PPP1R37: variants seen among roughly 807,000 people sequenced by gnomAD.
PPP1R37 encodes leucine rich repeat containing 68.
Under a neutral mutation model 61.0 loss-of-function variants are expected in PPP1R37, and 21 were observed. That is an observed-to-expected ratio of 0.34 (90% confidence interval 0.24 to 0.50). The LOEUF (loss-of-function observed/expected upper bound fraction) is 0.50, where lower values mean the gene tolerates loss of function less well. Among genes scored for constraint, PPP1R37 ranks in the 20% least tolerant of loss-of-function variants. PPP1R37 has a pLI of 0.98. For missense variants in PPP1R37, 910 were observed against 952.7 expected (o/e 0.96, Z 0.59); for synonymous variants, 443 against 433.5 (o/e 1.02, Z -0.27).
In PPP1R37 at chr19:45,125,860, C is replaced by T. The variant is rs538890199; in HGVS notation, c.203-12654C>T. Among the ~76,000 whole-genome samples the T allele has an allele frequency of 1.6e-3, 239 of 152,334 alleles. 2 individuals are homozygous for T. Among genetic ancestry groups the T allele is most frequent in the Admixed American group, 3.3e-3 (50 of 15,306 alleles). On this transcript the variant is annotated intron_variant, in intron 1 of 12. Transcript: ENST00000221462. The stretch of plus-strand genomic sequence containing the variant: ...AGAAGTGGGCCATTCTGGCCTCAGA[C>T]CTCTTCGTCCTTTCCCAGACCCCAC...
chr19:45,105,695 C>G (rs992071908), intron 1 of PPP1R37, among the ~76,000 whole-genome samples: 1 of 152,144 alleles, frequency 6.6e-6, no homozygotes, highest in Admixed American at 6.5e-5. Context: ...ATTCCCGGCC[C>G]GGTTCTGCCT....
intron 1 of PPP1R37, among the ~76,000 whole-genome samples, chr19:45,124,964 C>A (rs949952209): frequency 2.6e-5 from 4 of 151,754 alleles, no homozygotes; most frequent in Non-Finnish European, 5.9e-5. Context: ...GATGGGGACC[C>A]CCCAAAAAAT....
At chr19:45,101,207 C>T (rs981450550) in intron 1 of PPP1R37, among the ~76,000 whole-genome samples, 8 of 152,096 alleles carry the variant, frequency 5.3e-5, no homozygotes, top group Non-Finnish European at 1.0e-4. Flanking sequence ...AGGACGTCAC[C>T]AAGGAAATCC....
chr19:45,121,817 A>G lies in PPP1R37; in HGVS notation c.203-16697A>G, dbSNP rs1968345820. Among the ~76,000 whole-genome samples the G allele has an allele frequency of 1.3e-5, 2 of 151,852 alleles. No individual in the cohort carries two copies. The highest frequency in any genetic ancestry group is 2.9e-5 in the Non-Finnish European group (2 of 67,962). The stretch of plus-strand genomic sequence containing the variant: ...CCCTGGGGCCCCTTTCAGTAAAGAT[A>G]CTCCCCTGAGAAATACCTGCCCTTG... On this transcript the variant is annotated intron_variant, in intron 1 of 12. Coordinates refer to ENST00000221462, the MANE Select transcript of PPP1R37 (RefSeq NM_019121.2). The surrounding 1 kb of genome is among the most constrained non-coding windows in gnomAD (Gnocchi z 4.2).
In PPP1R37 at chr19:45,143,573, C is replaced by T; in HGVS notation, c.927C>T (p.Thr309=). Residue 309 remains threonine, a synonymous_variant, in exon 8 of 13, where the codon ACC becomes ACT. Coordinates refer to ENST00000221462, the MANE Select transcript of PPP1R37 (RefSeq NM_019121.2). ...GLKEQRKGLV[T]LVLWNNQLTH... ...AGGAGCAGAGGAAGGGGCTGGTGACCCTGGTGCTGTGGAACAACCAGCTCA... is the reference window on the plus strand; with the variant it reads ...AGGAGCAGAGGAAGGGGCTGGTGACTCTGGTGCTGTGGAACAACCAGCTCA... 1 of 1,535,928 alleles carries T rather than the reference C, an allele frequency of 6.5e-7. No individual in the cohort carries two copies. The highest frequency in any genetic ancestry group is 8.7e-7 in the Non-Finnish European group (1 of 1,146,744).
rs987659744 is a variant in PPP1R37, at chr19:45,145,052, C to T, written c.1130-42C>T. On this transcript the variant is annotated intron_variant, in intron 9 of 12. Transcript: ENST00000221462. ...TGGTGGGCTCAGCCGGGCGGCCAGC[C>T]GGGTGTGGGGCCCGTGGCCAGCCCC... 2.6e-6 allele frequency: 4 copies of T among 1,521,376 alleles called. No individual in the cohort carries two copies. In the African/African-American group the frequency reaches 5.6e-5, roughly 21 times the overall value. The allele number at this position is 1,521,376 out of a possible 1,614,324, so 94.2% of individuals were successfully genotyped here. A position where few individuals can be genotyped will look rare whatever the true frequency, so the allele number is the denominator to read the frequency against.
chr19:45,133,760 A>G (rs569342273), intron 1 of PPP1R37, among the ~76,000 whole-genome samples: 1 of 152,272 alleles, frequency 6.6e-6, no homozygotes, highest in East Asian at 1.9e-4. Context: ...CTGCTGCCTT[A>G]AAGGAGACAC....
intron 1 of PPP1R37, among the ~76,000 whole-genome samples, chr19:45,117,537 G>A (rs1244714490): frequency 2.0e-5 from 3 of 152,176 alleles, no homozygotes; most frequent in Non-Finnish European, 4.4e-5. Flanking sequence ...CCTGCTTTGG[G>A]TCTGAATGGC....
intron 1 of PPP1R37, among the ~76,000 whole-genome samples, chr19:45,097,100 G>A (rs1472901526): frequency 6.6e-6 from 1 of 152,022 alleles, no homozygotes; most frequent in African/African-American, 2.4e-5. Context: ...AGGAATCGTG[G>A]TACAGAAAGT....
intron 1 of PPP1R37, among the ~76,000 whole-genome samples, chr19:45,108,184 G>T (rs1968156619): frequency 6.6e-6 from 1 of 152,032 alleles, no homozygotes; most frequent in South Asian, 2.1e-4. Context: ...TCTGAGAGAG[G>T]GTCTCTCTCT....
intron 1 of PPP1R37, among the ~76,000 whole-genome samples, chr19:45,120,667 G>T (rs537086282): frequency 3.9e-5 from 6 of 152,210 alleles, no homozygotes; most frequent in African/African-American, 1.2e-4. Context: ...TTGCTCTGTT[G>T]CCCAGGCTGG....
chr19:45,133,197 C>T (rs1968499660), intron 1 of PPP1R37, among the ~76,000 whole-genome samples: 1 of 152,204 alleles, frequency 6.6e-6, no homozygotes, highest in African/African-American at 2.4e-5. Flanking sequence ...GATTCTCCTG[C>T]CTCAGCCTCC....
In PPP1R37 at chr19:45,145,802, G is replaced by GC; in HGVS notation, c.1751dup (p.Ala585CysfsTer27). The GC allele has an allele frequency of 6.7e-7, 1 of 1,489,790 alleles. No homozygotes were observed. The highest frequency in any genetic ancestry group is 2.4e-4 in the Middle Eastern group (1 of 4,146). The allele number at this position is 1,489,790 out of a possible 1,614,324, so 92.3% of individuals were successfully genotyped here. A position where few individuals can be genotyped will look rare whatever the true frequency, so the allele number is the denominator to read the frequency against. ...TGGAGAGCCCGCCCGAGAGGGCAGA[G>GC]CCCCCTGCGTCCCCCACCCCTCCCT... On this transcript the variant is annotated frameshift_variant, in exon 11 of 13. Coordinates refer to ENST00000221462, the MANE Select transcript of PPP1R37 (RefSeq NM_019121.2). LOFTEE classifies it high-confidence loss of function.
At chr19:45,132,047 C>T (rs978816356) in intron 1 of PPP1R37, among the ~76,000 whole-genome samples, 2 of 152,186 alleles carry the variant, frequency 1.3e-5, no homozygotes, top group Non-Finnish European at 2.9e-5. Flanking sequence ...CCAACACATG[C>T]CTGCTTTGTA....
chr19:45,143,666 C>T (rs762000839), intron 8 of PPP1R37, 33 bp downstream of exon 8: 89 of 1,327,324 alleles, frequency 6.7e-5, no homozygotes, highest in East Asian at 3.8e-4. Flanking sequence ...GGAGGCACCT[C>T]GGTCCCCGCT....
At chr19:45,102,850 A>G (rs1242855008) in intron 1 of PPP1R37, among the ~76,000 whole-genome samples, 1 of 152,154 alleles carries the variant, frequency 6.6e-6, no homozygotes, top group Non-Finnish European at 1.5e-5. Flanking sequence ...CCTGTTACAT[A>G]GCCGCCACAG....
intron 1 of PPP1R37, among the ~76,000 whole-genome samples, chr19:45,118,730 G>A (rs1015669936): frequency 6.6e-6 from 1 of 152,072 alleles, no homozygotes; most frequent in African/African-American, 2.4e-5. Flanking sequence ...TGGCTGTCCT[G>A]TCCCTCAGGG....
chr19:45,128,126 A>G (rs1968432240), intron 1 of PPP1R37, among the ~76,000 whole-genome samples: 1 of 152,206 alleles, frequency 6.6e-6, no homozygotes, highest in African/African-American at 2.4e-5. Context: ...AAAAATGTAT[A>G]TAGAGAGAAG....
chr19:45,099,939 C>T (rs550003728), intron 1 of PPP1R37: 3 of 152,264 alleles, frequency 2.0e-5, no homozygotes, highest in Non-Finnish European at 4.4e-5. Context: ...CCAGCTGGCA[C>T]TCGGTAACCA....
Sources: gnomAD v4.1 joint callset for allele counts (sites outside exome capture counted in the v4.1 genomes callset) on GRCh38, gnomAD v4.1.1 for gene constraint, Gnocchi (gnomAD v3.1) non-coding constraint, MANE v1.5 for transcripts, NCBI Gene and HGNC (gene_info 2026-07-23, HGNC 2026-07-21) for gene names.